REPS2: variants seen among roughly 807,000 people sequenced by gnomAD.
The protein encoded by REPS2 is RALBP1 associated Eps domain containing 2, also known as ralBP1-associated Eps domain-containing protein 2.
Under a neutral mutation model 53.6 loss-of-function variants are expected in REPS2, and 23 were observed. The ratio of observed to expected loss-of-function variants is 0.43; its 90% CI spans 0.31 to 0.61. REPS2 has a LOEUF of 0.61. Among genes scored for constraint, REPS2 ranks in the 20% least tolerant of loss-of-function variants. The pLI is 0.11. For synonymous variants in REPS2, 238 were observed against 218.6 expected (o/e 1.09, Z -0.78); for missense variants, 446 against 534.9 (o/e 0.83, Z 1.64).
chrX:16,958,605 T>G (rs2060625034), intron 1 of REPS2, among the ~76,000 whole-genome samples: 1 of 111,893 alleles, frequency 8.9e-6, no homozygotes, highest in African/African-American at 3.2e-5. Flanking sequence ...ACAATAGTCA[T>G]GAAAGAATAC....
At chrX:17,063,390 T>G (rs774754144) in intron 9 of REPS2, among the ~76,000 whole-genome samples, 4 of 111,850 alleles carry the variant, frequency 3.6e-5, no homozygotes, top group Admixed American at 9.5e-5. Flanking sequence ...TAATTTCTTG[T>G]GACTGTGCAT....
At chrX:17,080,757 T>TTTGTA (rs2062444898) in intron 13 of REPS2, among the ~76,000 whole-genome samples, 1 of 112,419 alleles carries the variant, frequency 8.9e-6, no homozygotes, top group Admixed American at 9.4e-5. Context: ...TGAGAATCTT[T>TTTGTA]TTGTATTGTT....
In REPS2 at chrX:16,947,005, C is replaced by G; in HGVS notation, c.144C>G (p.Ala48=). ...YSELFARCAG[A]AGGGPGSGPP... ...AGCTCTTCGCGCGCTGTGCCGGCGC[C>G]GCGGGCGGGGGCCCCGGGTCTGGGC... The change falls in exon 1 of 18, where the codon GCC becomes GCG. Residue 48 remains alanine, a synonymous_variant. Transcript: ENST00000357277. 2.1e-6 allele frequency: 2 copies of G among 939,109 alleles called. No individual in the cohort carries two copies. The highest frequency in any genetic ancestry group is 2.6e-6 in the Non-Finnish European group (2 of 759,657). 77.4% of individuals were successfully genotyped at this position (939,109 alleles called of 1,213,427 possible). A position where few individuals can be genotyped will look rare whatever the true frequency, so the allele number is the denominator to read the frequency against.
At position 16,998,041 on chromosome X, in the gene REPS2, T is replaced by C. The variant is rs1168553130; in HGVS notation, c.274-8180T>C. Among the ~76,000 whole-genome samples the C allele has an allele frequency of 2.8e-5, 3 of 105,551 alleles. No individual in the cohort carries two copies. In the East Asian group the frequency reaches 9.1e-4, roughly 32 times the overall value. 91.7% of individuals were successfully genotyped at this position (105,551 alleles called of 115,157 possible). Reference sequence around the variant, plus strand: ...AAGCAGATTGCTGGAGTCCAGGAGTTCAAGACCAGCCTGGGCAACACAGGG... The same window carrying C: ...AAGCAGATTGCTGGAGTCCAGGAGTCCAAGACCAGCCTGGGCAACACAGGG... On this transcript the variant is annotated intron_variant, in intron 1 of 17. Transcript: ENST00000357277.
rs1569206196 is a variant in REPS2, at chrX:17,151,349, CTAAATGACATTTGTCTGTTTCT to C, written c.*3876_*3897del. On this transcript the variant is annotated 3_prime_UTR_variant, in exon 18 of 18. Coordinates refer to ENST00000357277, the MANE Select transcript of REPS2 (RefSeq NM_004726.3). ...TGTGATTTGATTCTATAGTCTGTTT[CTAAATGACATTTGTCTGTTTCT>C]TAAATGATCTCACAGCCATGGTAAT... is the stretch of plus-strand genomic sequence containing the variant. The C allele has an allele frequency of 1.8e-5, 2 of 112,413 alleles. No homozygotes were observed. The highest frequency in any genetic ancestry group is 3.8e-5 in the Non-Finnish European group (2 of 53,254). The allele number at this position is 112,413 out of a possible 1,213,427, so 9.3% of individuals were successfully genotyped here. A position where few individuals can be genotyped will look rare whatever the true frequency, so the allele number is the denominator to read the frequency against.
At chrX:17,130,108 G>T (rs1316416878) in intron 14 of REPS2, among the ~76,000 whole-genome samples, 1 of 111,910 alleles carries the variant, frequency 8.9e-6, no homozygotes, top group Non-Finnish European at 1.9e-5. Flanking sequence ...TGCATTCAGG[G>T]GGTTACTGGG....
At chrX:16,986,785 A>G (rs999781403) in intron 1 of REPS2, among the ~76,000 whole-genome samples, 15 of 111,364 alleles carry the variant, frequency 1.3e-4, no homozygotes, top group South Asian at 7.6e-4. Context: ...TTTAGCACTG[A>G]AAAGTCCCAC....
chrX:17,055,606 G>A (rs2062057550), intron 8 of REPS2, among the ~76,000 whole-genome samples: 1 of 103,561 alleles, frequency 9.7e-6, no homozygotes, highest in Non-Finnish European at 2.0e-5. Context: ...TATTAAATAG[G>A]GAATCCTTTC....
chrX:17,039,544 C>T (rs1038305867), intron 5 of REPS2, among the ~76,000 whole-genome samples: 2 of 112,167 alleles, frequency 1.8e-5, no homozygotes, highest in Non-Finnish European at 3.8e-5. Flanking sequence ...AGGTGTAATA[C>T]AGCATAGTCA....
intron 14 of REPS2, among the ~76,000 whole-genome samples, chrX:17,110,588 A>G (rs917270807): frequency 5.5e-5 from 6 of 108,385 alleles, no homozygotes; most frequent in Non-Finnish European, 9.5e-5. Context: ...GCTACTCAGG[A>G]GGCTGAGGCA....
chrX:17,113,509 A>C (rs893609219), intron 14 of REPS2, among the ~76,000 whole-genome samples: 2 of 111,360 alleles, frequency 1.8e-5, no homozygotes, highest in Non-Finnish European at 3.8e-5. Flanking sequence ...GAATCGGTTC[A>C]TAGATTGCTC....
intron 14 of REPS2, 77 bp downstream of exon 14, chrX:17,103,856 T>C: frequency 1.1e-6 from 1 of 938,463 alleles, no homozygotes; most frequent in Non-Finnish European, 1.5e-6. Context: ...TTTGCAAGGG[T>C]TGATCGCCAC....
chrX:17,105,019 T>C (rs995621182), intron 14 of REPS2, among the ~76,000 whole-genome samples: 4 of 110,235 alleles, frequency 3.6e-5, no homozygotes, highest in African/African-American at 1.3e-4. Context: ...ATACAGGTAC[T>C]AATATTATCC....
At chrX:17,102,082 TTTTA>T (rs1165089506) in intron 13 of REPS2, among the ~76,000 whole-genome samples, 1 of 30,188 alleles carries the variant, frequency 3.3e-5, no homozygotes, top group African/African-American at 9.8e-5. Flanking sequence ...TGTTATGTTA[TTTTA>T]TTTTATTTAT....
intron 1 of REPS2, among the ~76,000 whole-genome samples, chrX:16,954,446 G>A (rs181743161): frequency 8.9e-6 from 1 of 111,889 alleles, no homozygotes; most frequent in Non-Finnish European, 1.9e-5. Context: ...AACATCATAT[G>A]GTTCATAGGG....
chrX:17,050,194 C>CT lies in REPS2; in HGVS notation c.908-2172dup, dbSNP rs200986826. ...TCTTTCTTTCTTTCTTTCTTTCTTTCTTTTTTTTTTTTTTTTGACAGGGTC... is the reference window on the plus strand; with the variant it reads ...TCTTTCTTTCTTTCTTTCTTTCTTTCTTTTTTTTTTTTTTTTTGACAGGGTC... On this transcript the variant is annotated intron_variant, in intron 6 of 17. Transcript: ENST00000357277. Among the ~76,000 whole-genome samples, 355 of 51,823 alleles carry CT rather than the reference C, an allele frequency of 6.9e-3. 30 individuals are homozygous for CT. Among genetic ancestry groups the CT allele is most frequent in the African/African-American group, 0.032 (335 of 10,544 alleles). The allele number at this position is 51,823 out of a possible 115,157, so 45.0% of individuals were successfully genotyped here.
chrX:17,022,091 G>C, intron 2 of REPS2, 32 bp from the exon 3 acceptor site: 7 of 1,183,950 alleles, frequency 5.9e-6, no homozygotes, highest in Non-Finnish European at 8.0e-6. Context: ...AATTAAGTCT[G>C]ACTAGAGCTT....
the REPS2 span, among the ~76,000 whole-genome samples, chrX:17,166,719 C>G: frequency 1.8e-5 from 2 of 111,662 alleles, no homozygotes; most frequent in African/African-American, 6.5e-5. Flanking sequence ...TCTTCTCTGC[C>G]CTTCTCTACA....
At chrX:17,088,378 C>T (rs1381545381) in intron 13 of REPS2, among the ~76,000 whole-genome samples, 1 of 111,081 alleles carries the variant, frequency 9.0e-6, no homozygotes, top group Admixed American at 9.6e-5. Flanking sequence ...CTGCCCATGT[C>T]TCCATCCAGG....
Sources: allele counts gnomAD v4.1 joint callset (sites outside exome capture counted in the v4.1 genomes callset), GRCh38; gene constraint gnomAD v4.1.1; transcripts MANE v1.5; gene names NCBI Gene and HGNC (gene_info 2026-07-23, HGNC 2026-07-21).